COQ3: variants seen among roughly 807,000 people sequenced by gnomAD.
COQ3 encodes the protein coenzyme Q3, methyltransferase.
In COQ3, 29 loss-of-function variants were observed where a neutral mutation model predicts 33.1. The observed-to-expected ratio is 0.88, with a 90% CI of 0.65 to 1.19. The LOEUF is 1.19. Ranked by LOEUF, COQ3 falls within the 50% of genes most tolerant of loss-of-function variation. COQ3 has a pLI of 0.00. For synonymous variants in COQ3, 173 were observed against 157.8 expected, an observed-to-expected ratio of 1.10 and a Z score of -0.72; for missense variants, 437 against 430.7, an observed-to-expected ratio of 1.01 and a Z score of -0.13.
chr6:99,388,106 G>T (rs889326592), intron 1 of COQ3, among the ~76,000 whole-genome samples: 19 of 152,092 alleles, frequency 1.2e-4, no homozygotes, highest in Non-Finnish European at 1.8e-4. Context: ...GGAGGTTGCG[G>T]TGAGCAGAGG....
At chr6:99,388,174 A>G (rs184088178) in intron 1 of COQ3, among the ~76,000 whole-genome samples, 70 of 152,214 alleles carry the variant, frequency 4.6e-4, no homozygotes, top group African/African-American at 1.6e-3. Context: ...CCAAAAAAAT[A>G]AAATAAAATA....
chr6:99,392,612 T>C (rs1430259925), intron 1 of COQ3, among the ~76,000 whole-genome samples: 3 of 151,158 alleles, frequency 2.0e-5, no homozygotes, highest in African/African-American at 7.3e-5. Context: ...GAGCTGGTCC[T>C]TTCCCCTCTC....
At chr6:99,376,899 G>T (rs1422367247) in intron 4 of COQ3, among the ~76,000 whole-genome samples, 7 of 151,628 alleles carry the variant, frequency 4.6e-5, no homozygotes, top group Non-Finnish European at 8.8e-5. Flanking sequence ...GGTGTTGGAG[G>T]TTGCAGTGAG....
chr6:99,377,846 C>T (rs1264976922), intron 3 of COQ3, among the ~76,000 whole-genome samples: 1 of 151,714 alleles, frequency 6.6e-6, no homozygotes, highest in Non-Finnish European at 1.5e-5. Flanking sequence ...ATGTCAGCAG[C>T]AAATAGGTTA....
chr6:99,385,687 G>A (rs1274672476), intron 1 of COQ3, among the ~76,000 whole-genome samples: 1 of 152,010 alleles, frequency 6.6e-6, no homozygotes, highest in Non-Finnish European at 1.5e-5. Flanking sequence ...GGAAGAAAGG[G>A]CCAGGAATGG....
chr6:99,378,602 AC>A (rs1247608058), intron 3 of COQ3, among the ~76,000 whole-genome samples: 1 of 151,932 alleles, frequency 6.6e-6, no homozygotes, highest in African/African-American at 2.4e-5. Context: ...TGGAGTGCTG[AC>A]CCCTCCCCAG....
intron 1 of COQ3, 61 bp from the exon 2 acceptor site, chr6:99,383,885 A>G: frequency 8.1e-7 from 1 of 1,231,764 alleles, no homozygotes. Flanking sequence ...CCTGATATGC[A>G]TGTAATTGAA....
intron 1 of COQ3, among the ~76,000 whole-genome samples, chr6:99,387,777 T>C (rs887822277): frequency 1.3e-5 from 2 of 152,158 alleles, no homozygotes; most frequent in Non-Finnish European, 2.9e-5. Context: ...ATATATAGAA[T>C]GTTAAGAAAG....
In COQ3 at chr6:99,394,112, C is replaced by T; in HGVS notation, c.68G>A (p.Cys23Tyr). The T allele has an allele frequency of 6.2e-7, 1 of 1,613,936 alleles. No homozygotes were observed. The highest frequency in any genetic ancestry group is 1.1e-5 in the South Asian group (1 of 91,076). Residue 23 changes from cysteine (C) to tyrosine (Y), a missense_variant, in exon 1 of 7, where the codon TGT becomes TAT. Transcript: ENST00000254759. ...WFLRVLGPGGCNTKAARPLIS... is the reference protein window; with the variant it reads ...WFLRVLGPGGYNTKAARPLIS... ...TAAGGGACGCGCAGCTTTTGTATTA[C>T]AGCCTCCAGGCCCCAGCACTCTTAA...
chr6:99,393,794 G>A (rs1322476280), intron 1 of COQ3, among the ~76,000 whole-genome samples: 2 of 152,230 alleles, frequency 1.3e-5, no homozygotes, highest in African/African-American at 2.4e-5. Flanking sequence ...CACGCAGAGC[G>A]GGTCGCCGGC....
chr6:99,379,545 G>C (rs546498492), intron 3 of COQ3, among the ~76,000 whole-genome samples: 1 of 152,160 alleles, frequency 6.6e-6, no homozygotes, highest in East Asian at 1.9e-4. Context: ...TGATGCCACT[G>C]TAGGTCTGTA....
In COQ3 at chr6:99,377,476, A is replaced by G; in HGVS notation, c.396T>C (p.Leu132=). The G allele has an allele frequency of 4.4e-6, 7 of 1,604,872 alleles. No individual in the cohort carries two copies. Among genetic ancestry groups the G allele is most frequent in the Non-Finnish European group, 6.0e-6 (7 of 1,175,894 alleles). Residue 132 remains leucine, a synonymous_variant, in exon 4 of 7, where the codon CTT becomes CTC. Transcript: ENST00000254759. ...GCTGGTGATTAGGAATTGTTTTCAG[A>G]AGATTGTCCCTTTTTTAAAAAATTC... The part of the protein sequence containing the change: ...DLRVPFIRDN[L]LKTIPNHQPG...
intron 1 of COQ3, among the ~76,000 whole-genome samples, chr6:99,393,541 T>A (rs1303098690): frequency 6.6e-6 from 1 of 152,198 alleles, no homozygotes; most frequent in Non-Finnish European, 1.5e-5. Flanking sequence ...ATACTGAGAG[T>A]TCGAAAATCA....
intron 2 of COQ3, 116 bp from the exon 3 acceptor site, chr6:99,380,457 T>C (rs1233471605): frequency 9.1e-7 from 1 of 1,095,588 alleles, no homozygotes; most frequent in East Asian, 2.6e-5. Flanking sequence ...TAAATCTGTA[T>C]ACTGCTCAAT....
At chr6:99,394,039 GA>G in intron 1 of COQ3, 34 bp downstream of exon 1, 1 of 1,551,368 alleles carries the variant, frequency 6.4e-7, no homozygotes, top group African/African-American at 1.4e-5. Flanking sequence ...GCTCGCAATT[GA>G]CTGCATGCGA....
At chr6:99,373,872 T>C (rs1015872233) in intron 5 of COQ3, among the ~76,000 whole-genome samples, 4 of 151,930 alleles carry the variant, frequency 2.6e-5, no homozygotes, top group Non-Finnish European at 5.9e-5. Context: ...TAGCTAGATA[T>C]GGTGGCATGC....
intron 2 of COQ3, chr6:99,383,241 A>G (rs13206027): frequency 6.6e-6 from 1 of 152,168 alleles, no homozygotes; most frequent in Non-Finnish European, 1.5e-5. Flanking sequence ...ATTACCTTCA[A>G]TCAATTTTGC....
intron 2 of COQ3, among the ~76,000 whole-genome samples, chr6:99,383,358 CA>C (rs1479999385): frequency 1.3e-5 from 2 of 152,162 alleles, no homozygotes; most frequent in Non-Finnish European, 2.9e-5. Context: ...TGATTTTAAG[CA>C]CTGCATTGTT....
At chr6:99,374,137 A>AAT (rs201988827) in intron 5 of COQ3, among the ~76,000 whole-genome samples, 8,946 of 149,988 alleles carry the variant, frequency 0.06, 568 homozygotes, top group East Asian at 0.25. Context: ...AAAAAAAAAA[A>AAT]AAAAAATTAA....
Sources: gnomAD v4.1 joint callset for allele counts (sites outside exome capture counted in the v4.1 genomes callset) on GRCh38, gnomAD v4.1.1 for gene constraint, MANE v1.5 for transcripts, NCBI Gene and HGNC (gene_info 2026-07-23, HGNC 2026-07-21) for gene names.